DOK5: variants seen among roughly 807,000 people sequenced by gnomAD.
DOK5 encodes the protein downstream of tyrosine kinase 5.
Under a neutral mutation model 43.3 loss-of-function variants are expected in DOK5, and 27 were observed. The ratio of observed to expected loss-of-function variants is 0.62; its 90% confidence interval spans 0.46 to 0.86. The LOEUF (loss-of-function observed/expected upper bound fraction) is 0.86, where lower values mean the gene tolerates loss of function less well. DOK5 is among the 40% of genes least tolerant of loss of function. The pLI, the probability that DOK5 is intolerant of heterozygous loss-of-function variation, is 0.00. For missense variants in DOK5, 373 were observed against 392.9 expected, an observed-to-expected ratio of 0.95 and a Z score of 0.43; for synonymous variants, 146 against 140.1, an observed-to-expected ratio of 1.04 and a Z score of -0.30.
intron 5 of DOK5, among the ~76,000 whole-genome samples, chr20:54,605,108 T>TAC (rs11471905): frequency 0.027 from 4,055 of 148,960 alleles, 175 homozygotes; most frequent in African/African-American, 0.092. Context: ...CCATATATTC[T>TAC]ACACACACAC....
intron 1 of DOK5, among the ~76,000 whole-genome samples, chr20:54,507,149 A>C (rs1283170253): frequency 2.0e-5 from 3 of 152,220 alleles, no homozygotes; most frequent in Non-Finnish European, 4.4e-5. Context: ...TTTGGAAAGT[A>C]CTTGGGATAC....
intron 1 of DOK5, among the ~76,000 whole-genome samples, chr20:54,492,608 T>C (rs1982228101): frequency 6.6e-6 from 1 of 152,116 alleles, no homozygotes. Flanking sequence ...ATTTACACTT[T>C]TGAGGAATAA....
At chr20:54,536,393 C>T (rs1243608136) in intron 1 of DOK5, among the ~76,000 whole-genome samples, 2 of 152,170 alleles carry the variant, frequency 1.3e-5, no homozygotes, top group African/African-American at 4.8e-5. Context: ...ACAGCAATGG[C>T]TTATAAAAGT....
intron 1 of DOK5, among the ~76,000 whole-genome samples, chr20:54,491,176 G>T (rs1982159390): frequency 6.6e-6 from 1 of 152,088 alleles, no homozygotes; most frequent in Admixed American, 6.5e-5. Flanking sequence ...TCATTTCTTT[G>T]TTGCTTGTTT....
chr20:54,499,756 C>T (rs1222667685), intron 1 of DOK5, among the ~76,000 whole-genome samples: 1 of 152,210 alleles, frequency 6.6e-6, no homozygotes, highest in Non-Finnish European at 1.5e-5. Context: ...AGTAGCAATA[C>T]AGCATAATGG....
At chr20:54,639,960 G>A (rs576104590) in intron 6 of DOK5, among the ~76,000 whole-genome samples, 5 of 152,222 alleles carry the variant, frequency 3.3e-5, no homozygotes, top group East Asian at 3.9e-4. Flanking sequence ...TCAGGGTCAC[G>A]GGTGGCCAGA....
At chr20:54,553,412 G>A (rs911097037) in intron 1 of DOK5, among the ~76,000 whole-genome samples, 1 of 151,842 alleles carries the variant, frequency 6.6e-6, no homozygotes, top group Non-Finnish European at 1.5e-5. Flanking sequence ...AGCCAGGATG[G>A]TCTCGATCTC....
intron 6 of DOK5, among the ~76,000 whole-genome samples, chr20:54,617,328 AT>A (rs910641782): frequency 1.6e-4 from 24 of 150,682 alleles, no homozygotes; most frequent in Non-Finnish European, 2.7e-4. Flanking sequence ...TAGTCTGTCG[AT>A]TTTTTTTTCT....
intron 6 of DOK5, among the ~76,000 whole-genome samples, chr20:54,617,431 C>G (rs559468378): frequency 6.6e-6 from 1 of 152,278 alleles, no homozygotes; most frequent in African/African-American, 2.4e-5. Flanking sequence ...CCTCCCACCT[C>G]AGCCTCCTGA....
intron 2 of DOK5, among the ~76,000 whole-genome samples, chr20:54,577,579 A>G (rs955914761): frequency 2.0e-5 from 3 of 152,260 alleles, no homozygotes; most frequent in African/African-American, 7.2e-5. Context: ...AGAAAACTCT[A>G]TGAAAATCCT....
At chr20:54,644,425 C>CCGGG (rs1297372318) in intron 7 of DOK5, among the ~76,000 whole-genome samples, 1 of 152,024 alleles carries the variant, frequency 6.6e-6, no homozygotes, top group East Asian at 1.9e-4. Flanking sequence ...AAATACAAGG[C>CCGGG]CGGGCGCAGT....
chr20:54,565,856 A>G (rs1291817737), intron 2 of DOK5, among the ~76,000 whole-genome samples: 1 of 151,980 alleles, frequency 6.6e-6, no homozygotes, highest in East Asian at 1.9e-4. Context: ...CTCTACTAAA[A>G]AATACAAAAA....
At chr20:54,495,448 A>G (rs896368944) in intron 1 of DOK5, among the ~76,000 whole-genome samples, 4 of 152,322 alleles carry the variant, frequency 2.6e-5, no homozygotes, top group Non-Finnish European at 4.4e-5. Flanking sequence ...CAAGTAGCCT[A>G]CTGACTGAGG....
At chr20:54,515,414 C>A (rs769084576) in intron 1 of DOK5, among the ~76,000 whole-genome samples, 1 of 152,150 alleles carries the variant, frequency 6.6e-6, no homozygotes, top group Non-Finnish European at 1.5e-5. Context: ...CTAATTGAAA[C>A]CACCATTTAT....
At chr20:54,590,678 A>G (rs1985952038) in intron 4 of DOK5, among the ~76,000 whole-genome samples, 2 of 152,216 alleles carry the variant, frequency 1.3e-5, no homozygotes, top group African/African-American at 4.8e-5. Context: ...ACTAAATTCA[A>G]CTAAAATCTA....
rs116363938 is a variant in DOK5 at position 54,636,057 on chromosome 20, C to T, written c.736-7401C>T. ...CAAGTGGTGAAAGAGCAGAGAGGGC[C>T]GGAAGAGAGACCAAGAGGGGATGAA... On this transcript the variant is annotated intron_variant, in intron 6 of 7. Coordinates refer to ENST00000262593, the MANE Select transcript of DOK5 (RefSeq NM_018431.5). 3.6e-3 allele frequency among the ~76,000 whole-genome samples: 531 copies of T among 148,672 alleles called. 6 individuals carry two copies. The highest frequency in any genetic ancestry group is 0.013 in the African/African-American group (506 of 38,188).
intron 2 of DOK5, among the ~76,000 whole-genome samples, chr20:54,564,905 G>A (rs1012396444): frequency 1.3e-5 from 2 of 152,100 alleles, no homozygotes; most frequent in Non-Finnish European, 2.9e-5. Flanking sequence ...ACATTTCTCC[G>A]ACTTGCCATG....
chr20:54,644,714 A>ACAAAAC (rs1979303378), intron 7 of DOK5, among the ~76,000 whole-genome samples: 1 of 134,208 alleles, frequency 7.5e-6, no homozygotes, highest in Non-Finnish European at 1.6e-5. Context: ...TCAAAAAAAA[A>ACAAAAC]AAAAAAAAAA....
chr20:54,568,927 A>G (rs1222993037), intron 2 of DOK5, among the ~76,000 whole-genome samples: 2 of 148,698 alleles, frequency 1.3e-5, no homozygotes, highest in African/African-American at 2.5e-5. Flanking sequence ...GCAAGACTCT[A>G]TCTCAAAATA....
Sources: allele counts gnomAD v4.1 joint callset (sites outside exome capture counted in the v4.1 genomes callset), GRCh38; gene constraint gnomAD v4.1.1; transcripts MANE v1.5; gene names NCBI Gene and HGNC (gene_info 2026-07-23, HGNC 2026-07-21).